CTNNA2: variants seen among roughly 807,000 people sequenced by gnomAD.
The protein encoded by CTNNA2 is catenin alpha 2, also known as catenin alpha-2.
CTNNA2 carries 42 observed loss-of-function variants against 101.0 expected under a neutral mutation model. The ratio of observed to expected loss-of-function variants is 0.42; its 90% CI spans 0.32 to 0.54. The LOEUF (loss-of-function observed/expected upper bound fraction) is 0.54. Among genes scored for constraint, CTNNA2 ranks in the 20% least tolerant of loss-of-function variants. CTNNA2 has a pLI of 0.14. For missense variants in CTNNA2, 871 were observed against 1,223.1 expected (o/e 0.71, Z 4.29); for synonymous variants, 450 against 456.4 (o/e 0.99, Z 0.18).
At chr2:79,985,665 T>C (rs181625510) in intron 7 of CTNNA2, among the ~76,000 whole-genome samples, 22 of 152,330 alleles carry the variant, frequency 1.4e-4, no homozygotes, top group African/African-American at 5.1e-4. Context: ...ACTAATCTAC[T>C]GTATATGTTA....
At chr2:79,962,144 G>C (rs10172971) in intron 7 of CTNNA2, among the ~76,000 whole-genome samples, 4,988 of 152,320 alleles carry the variant, frequency 0.033, 271 homozygotes, top group African/African-American at 0.11. Flanking sequence ...GTCTTAGTCT[G>C]TTCAGGCTGC....
chr2:79,654,322 A>G (rs1271077350), intron 2 of CTNNA2, among the ~76,000 whole-genome samples: 2 of 152,180 alleles, frequency 1.3e-5, no homozygotes, highest in Non-Finnish European at 2.9e-5. Context: ...TTAGCTTAAT[A>G]TAAAACACAT....
At chr2:79,807,367 C>T (rs1044368745) in intron 3 of CTNNA2, among the ~76,000 whole-genome samples, 4 of 152,094 alleles carry the variant, frequency 2.6e-5, no homozygotes, top group Admixed American at 6.5e-5. Flanking sequence ...TAAAATCAAG[C>T]ATATGGTTTC....
At chr2:80,038,554 C>G (rs1055777716) in intron 7 of CTNNA2, among the ~76,000 whole-genome samples, 1 of 152,008 alleles carries the variant, frequency 6.6e-6, no homozygotes, top group African/African-American at 2.4e-5. Context: ...AACCTGGTCT[C>G]TACTGAAAAT....
intron 2 of CTNNA2, among the ~76,000 whole-genome samples, chr2:79,237,304 G>A (rs60111084): frequency 0.07 from 10,696 of 152,198 alleles, 480 homozygotes; most frequent in Admixed American, 0.13. Context: ...TGAGTAGAAG[G>A]CCTCAATGGT....
intron 2 of CTNNA2, among the ~76,000 whole-genome samples, chr2:79,677,530 A>T (rs1186294014): frequency 2.0e-5 from 3 of 152,226 alleles, no homozygotes; most frequent in Non-Finnish European, 1.5e-5. Context: ...TATTTTAAAC[A>T]TGGTTACATG....
At chr2:80,226,314 C>T (rs969501826) in intron 7 of CTNNA2, among the ~76,000 whole-genome samples, 1 of 152,176 alleles carries the variant, frequency 6.6e-6, no homozygotes, top group Admixed American at 6.5e-5. Flanking sequence ...GGTTTTAAAC[C>T]GAACTCCTCT....
Position 79,795,753 on chromosome 2 carries a change from T to C in CTNNA2, c.298+51171T>C, listed in dbSNP as rs867927443. ...TTTTGTGTAGGACTCAGAACCACAG[T>C]TTGAAAGAAGAGACATAAAAAGGGT... On this transcript the variant is annotated intron_variant, in intron 3 of 18. Coordinates refer to ENST00000402739, the MANE Select transcript of CTNNA2 (RefSeq NM_001282597.3). 4.6e-5 allele frequency among the ~76,000 whole-genome samples: 7 copies of C among 152,218 alleles called. No homozygotes were observed. The South Asian group carries it at 1.4e-3, about 32-fold the overall frequency.
At position 80,195,500 on chromosome 2, in the gene CTNNA2, C is replaced by T. The variant is rs563530470; in HGVS notation, c.1057-197711C>T. 2.6e-5 allele frequency among the ~76,000 whole-genome samples: 4 copies of T among 152,074 alleles called. No individual in the cohort carries two copies. The South Asian group carries it at 8.3e-4, about 32-fold the overall frequency. Reference sequence around the variant, plus strand: ...GACAAATCGAGTCCAAGTTTACAATCTTAGTCCTCACTCCAATCTTAATCC... The same window carrying T: ...GACAAATCGAGTCCAAGTTTACAATTTTAGTCCTCACTCCAATCTTAATCC... On this transcript the variant is annotated intron_variant, in intron 7 of 18. Transcript: ENST00000402739.
intron 6 of CTNNA2, among the ~76,000 whole-genome samples, chr2:79,892,385 A>G (rs1193594969): frequency 6.6e-6 from 1 of 152,128 alleles, no homozygotes; most frequent in Non-Finnish European, 1.5e-5. Flanking sequence ...AGTTATACTA[A>G]TTCATGCACG....
chr2:79,698,194 A>C (rs1684765312), intron 2 of CTNNA2, among the ~76,000 whole-genome samples: 1 of 152,018 alleles, frequency 6.6e-6, no homozygotes, highest in Non-Finnish European at 1.5e-5. Flanking sequence ...TCTGAGTTAT[A>C]CTGTTGATTT....
intron 7 of CTNNA2, among the ~76,000 whole-genome samples, chr2:80,059,416 T>G (rs1182681819): frequency 6.6e-6 from 1 of 152,246 alleles, no homozygotes; most frequent in Non-Finnish European, 1.5e-5. Context: ...ACTCTGCCTT[T>G]GCAAGGAATT....
intron 12 of CTNNA2, among the ~76,000 whole-genome samples, chr2:80,563,746 C>T (rs1323755837): frequency 6.6e-6 from 1 of 152,220 alleles, no homozygotes; most frequent in South Asian, 2.1e-4. Flanking sequence ...CAGTGAAGTC[C>T]CCTTTCTAAC....
At chr2:80,015,812 A>G (rs568879678) in intron 7 of CTNNA2, among the ~76,000 whole-genome samples, 143 of 152,318 alleles carry the variant, frequency 9.4e-4, no homozygotes, top group Non-Finnish European at 1.4e-3. Flanking sequence ...TATGTATTCA[A>G]TTTGGGTTCC....
intron 4 of CTNNA2, chr2:79,866,388 G>A (rs1024904584): frequency 1.3e-5 from 2 of 152,264 alleles, no homozygotes; most frequent in African/African-American, 4.8e-5. Context: ...CTGGTCAGCG[G>A]GAGAAGAATG....
At chr2:80,189,891 G>T (rs1183735803) in intron 7 of CTNNA2, among the ~76,000 whole-genome samples, 1 of 152,108 alleles carries the variant, frequency 6.6e-6, no homozygotes, top group African/African-American at 2.4e-5. Context: ...AGAGAGTTTT[G>T]TTGTGTGTGT....
At chr2:79,248,534 G>C (rs1451254501) in intron 2 of CTNNA2, among the ~76,000 whole-genome samples, 1 of 152,068 alleles carries the variant, frequency 6.6e-6, no homozygotes, top group Non-Finnish European at 1.5e-5. Flanking sequence ...CATGTATCCA[G>C]GGGCTACCAT....
intron 7 of CTNNA2, among the ~76,000 whole-genome samples, chr2:80,105,976 G>A (rs1485886476): frequency 6.6e-6 from 1 of 152,140 alleles, no homozygotes; most frequent in Non-Finnish European, 1.5e-5. Flanking sequence ...CAATCGCTTG[G>A]CAGGTAACAG....
chr2:79,910,329 G>C (rs1229162165), intron 7 of CTNNA2, among the ~76,000 whole-genome samples: 1 of 152,174 alleles, frequency 6.6e-6, no homozygotes, highest in Non-Finnish European at 1.5e-5. Context: ...TTGCTTATAA[G>C]AGTGAGTCTC....
Sources: gnomAD v4.1 joint callset for allele counts (sites outside exome capture counted in the v4.1 genomes callset) on GRCh38, gnomAD v4.1.1 for gene constraint, MANE v1.5 for transcripts, NCBI Gene and HGNC (gene_info 2026-07-23, HGNC 2026-07-21) for gene names.